The following XYLT1 variants were observed in gnomAD, a reference collection of about 807,000 sequenced individuals.
XYLT1 encodes xylosyltransferase 1.
A neutral mutation model predicts 91.3 loss-of-function variants in XYLT1; 36 were observed. The observed-to-expected ratio is 0.39, with a 90% confidence interval of 0.30 to 0.52. XYLT1 has a LOEUF of 0.52. Among genes scored for constraint, XYLT1 ranks in the 20% least tolerant of loss-of-function variants. XYLT1 has a pLI of 0.68. For synonymous variants in XYLT1, 588 were observed against 532.0 expected (o/e 1.11, Z -1.45); for missense variants, 1,242 against 1,284.5 (o/e 0.97, Z 0.51).
intron 5 of XYLT1, among the ~76,000 whole-genome samples, chr16:17,189,308 G>C (rs142747102): frequency 0.012 from 1,859 of 152,298 alleles, 18 homozygotes; most frequent in South Asian, 0.026. Flanking sequence ...TTCAGCTGAG[G>C]TCCAGGGGCT....
chr16:17,229,632 C>T (rs190341032), intron 3 of XYLT1, among the ~76,000 whole-genome samples: 7 of 152,256 alleles, frequency 4.6e-5, no homozygotes, highest in East Asian at 3.9e-4. Flanking sequence ...CCATTCTCAG[C>T]GCCAATCATT....
At chr16:17,447,810 T>G (rs1367930140) in intron 1 of XYLT1, among the ~76,000 whole-genome samples, 5 of 152,148 alleles carry the variant, frequency 3.3e-5, no homozygotes, top group African/African-American at 1.2e-4. Context: ...ATTTGTAAAA[T>G]GGGAGAATAT....
intron 1 of XYLT1, among the ~76,000 whole-genome samples, chr16:17,429,169 C>T (rs897111748): frequency 7.2e-5 from 11 of 152,226 alleles, no homozygotes; most frequent in African/African-American, 2.4e-4. Context: ...GAGGATCAAA[C>T]GCCATCCTTA....
At chr16:17,207,895 G>A (rs2032684658) in intron 3 of XYLT1, among the ~76,000 whole-genome samples, 1 of 152,132 alleles carries the variant, frequency 6.6e-6, no homozygotes, top group African/African-American at 2.4e-5. Context: ...GCCAGCACCT[G>A]TCAGGTCTCA....
At chr16:17,320,482 CTT>C (rs11430162) in intron 2 of XYLT1, among the ~76,000 whole-genome samples, 10 of 134,392 alleles carry the variant, frequency 7.4e-5, no homozygotes, top group Admixed American at 7.7e-5. Context: ...GGAAAAGTTT[CTT>C]TTTTTTTTTT....
intron 2 of XYLT1, 143 bp from the exon 3 acceptor site, chr16:17,259,641 G>A: frequency 3.1e-6 from 3 of 977,526 alleles, no homozygotes; most frequent in Non-Finnish European, 4.4e-6. Context: ...TTTAACCTCT[G>A]GTAAGATGGC....
chr16:17,434,248 G>A (rs190761086), intron 1 of XYLT1, among the ~76,000 whole-genome samples: 2 of 152,262 alleles, frequency 1.3e-5, no homozygotes, highest in East Asian at 3.9e-4. Flanking sequence ...AAAGTTCTGG[G>A]AAGGGTCAGA....
intron 3 of XYLT1, chr16:17,228,102 A>G (rs1034873186): frequency 2.0e-5 from 3 of 152,186 alleles, no homozygotes; most frequent in Non-Finnish European, 2.9e-5. Context: ...TGAGGAATAG[A>G]GTCATTGCTT....
intron 3 of XYLT1, among the ~76,000 whole-genome samples, chr16:17,233,801 C>T (rs2033204663): frequency 6.6e-6 from 1 of 152,188 alleles, no homozygotes; most frequent in South Asian, 2.1e-4. Context: ...CTGCCTACTC[C>T]AGGCATTGAC....
intron 2 of XYLT1, among the ~76,000 whole-genome samples, chr16:17,328,472 C>T (rs1448048860): frequency 7.2e-6 from 1 of 139,158 alleles, no homozygotes; most frequent in Admixed American, 8.4e-5. Context: ...TCGCTTGAGC[C>T]CAGGAGGTGG....
At chr16:17,372,820 T>C (rs967201967) in intron 1 of XYLT1, among the ~76,000 whole-genome samples, 18 of 152,202 alleles carry the variant, frequency 1.2e-4, no homozygotes, top group Admixed American at 1.2e-3. Context: ...ATAATAATAA[T>C]GACATATACC....
At chr16:17,423,144 G>A (rs767713843) in intron 1 of XYLT1, among the ~76,000 whole-genome samples, 4 of 152,142 alleles carry the variant, frequency 2.6e-5, no homozygotes, top group Non-Finnish European at 5.9e-5. Flanking sequence ...TGGACACCTC[G>A]CTGGGCTTGC....
chr16:17,398,136 G>A (rs2035914446), intron 1 of XYLT1, among the ~76,000 whole-genome samples: 1 of 152,080 alleles, frequency 6.6e-6, no homozygotes, highest in African/African-American at 2.4e-5. Context: ...AATATTGAGT[G>A]GCATATGGTC....
At chr16:17,375,759 G>A (rs554882222) in intron 1 of XYLT1, among the ~76,000 whole-genome samples, 2 of 152,368 alleles carry the variant, frequency 1.3e-5, no homozygotes, top group East Asian at 3.9e-4. Flanking sequence ...TGGGTCTGCT[G>A]TTGGGACAGG....
At chr16:17,170,056 G>T (rs750616104) in intron 5 of XYLT1, among the ~76,000 whole-genome samples, 10 of 152,186 alleles carry the variant, frequency 6.6e-5, no homozygotes, top group Non-Finnish European at 1.3e-4. Context: ...CTGAGCCTTG[G>T]TTTTCTAATC....
At chr16:17,467,693 G>A (rs2036917909) in intron 1 of XYLT1, among the ~76,000 whole-genome samples, 1 of 152,084 alleles carries the variant, frequency 6.6e-6, no homozygotes, top group Non-Finnish European at 1.5e-5. Context: ...ACATAAAAAG[G>A]ACAAATGCTC....
At chr16:17,458,741 T>C (rs971245995) in intron 1 of XYLT1, among the ~76,000 whole-genome samples, 7 of 152,168 alleles carry the variant, frequency 4.6e-5, no homozygotes, top group African/African-American at 1.7e-4. Context: ...AGTTTGCTTA[T>C]GTGTTTTCAT....
chr16:17,252,060 C>G (rs916265838), intron 3 of XYLT1, among the ~76,000 whole-genome samples: 7 of 152,110 alleles, frequency 4.6e-5, no homozygotes, highest in South Asian at 2.1e-4. Flanking sequence ...CTTTCCTCTT[C>G]TTGTCGCCCC....
At chr16:17,444,038 A>G (rs991897076) in intron 1 of XYLT1, among the ~76,000 whole-genome samples, 6 of 151,820 alleles carry the variant, frequency 4.0e-5, no homozygotes, top group Non-Finnish European at 7.4e-5. Context: ...CCGTTCATCA[A>G]CTCTTTGAAT....
Sources: gnomAD v4.1 joint callset for allele counts (sites outside exome capture counted in the v4.1 genomes callset) on GRCh38, gnomAD v4.1.1 for gene constraint, MANE v1.5 for transcripts, NCBI Gene and HGNC (gene_info 2026-07-23, HGNC 2026-07-21) for gene names.